The following RBFOX1 variants were observed in gnomAD, a reference collection of about 807,000 sequenced individuals.
RBFOX1 encodes RNA binding fox-1 homolog 1.
In RBFOX1, 8 loss-of-function variants were observed where a neutral mutation model predicts 57.7. The observed-to-expected ratio is 0.14, with a 90% confidence interval of 0.08 to 0.25. The LOEUF (loss-of-function observed/expected upper bound fraction) is 0.25. Ranked by LOEUF, RBFOX1 falls within the 10% of genes least tolerant of loss-of-function variation. The probability of loss-of-function intolerance (pLI) is 1.00; values close to 1 mark genes in which losing one functional copy is unlikely to be tolerated. For missense variants in RBFOX1, 611 were observed against 548.5 expected (o/e 1.11, Z -1.14); for synonymous variants, 326 against 222.4 (o/e 1.47, Z -4.15).
intron 2 of RBFOX1, among the ~76,000 whole-genome samples, chr16:6,420,350 T>TA (rs2093738602): frequency 6.6e-6 from 1 of 152,008 alleles, no homozygotes; most frequent in South Asian, 2.1e-4. Context: ...GAGATTTTTT[T>TA]TCCCTACCTC....
intron 2 of RBFOX1, among the ~76,000 whole-genome samples, chr16:5,493,343 A>G (rs915307295): frequency 3.9e-5 from 6 of 152,136 alleles, no homozygotes; most frequent in African/African-American, 1.2e-4. Flanking sequence ...AAGTCCTATG[A>G]CCCACCATGC....
intron 3 of RBFOX1, among the ~76,000 whole-genome samples, chr16:6,900,569 G>C (rs1043090053): frequency 1.3e-5 from 2 of 152,116 alleles, no homozygotes; most frequent in Admixed American, 1.3e-4. Context: ...TTATTTCAGA[G>C]CCTTTTTAGT....
At chr16:5,730,624 C>T (rs2052331269) in intron 3 of RBFOX1, among the ~76,000 whole-genome samples, 1 of 151,748 alleles carries the variant, frequency 6.6e-6, no homozygotes, top group African/African-American at 2.4e-5. Context: ...TCACCACTGT[C>T]ACCATCATCA....
intron 4 of RBFOX1, among the ~76,000 whole-genome samples, chr16:7,511,957 G>T (rs1416384545): frequency 6.6e-6 from 1 of 152,154 alleles, no homozygotes; most frequent in African/African-American, 2.4e-5. Context: ...GAAATTAAAC[G>T]TTAAGTTTGC....
rs562165217 is a variant in RBFOX1 at position 5,866,090 on chromosome 16, C to T, written c.319-1213C>T. 1.2e-3 allele frequency among the ~76,000 whole-genome samples: 190 copies of T among 152,304 alleles called. 2 individuals carry two copies. The highest frequency in any genetic ancestry group is 4.5e-3 in the African/African-American group (186 of 41,570). Reference sequence around the variant, plus strand: ...TCAAGGGATTCTCCTGCCTCAGCCTCCCGAGTAGCTGCGATTACAGGTGCA... The same window carrying T: ...TCAAGGGATTCTCCTGCCTCAGCCTTCCGAGTAGCTGCGATTACAGGTGCA... On this transcript the variant is annotated intron_variant, in intron 3 of 19. Coordinates refer to the RBFOX1 transcript ENST00000641259.
intron 2 of RBFOX1, among the ~76,000 whole-genome samples, chr16:6,444,730 G>A (rs980788449): frequency 6.6e-6 from 1 of 152,110 alleles, no homozygotes; most frequent in Non-Finnish European, 1.5e-5. Context: ...AGGCCAAAAT[G>A]CAGAGTCTGT....
At chr16:6,801,243 C>T (rs1603626480) in intron 3 of RBFOX1, among the ~76,000 whole-genome samples, 1 of 150,342 alleles carries the variant, frequency 6.7e-6, no homozygotes, top group Non-Finnish European at 1.5e-5. Context: ...ATGTATTTTG[C>T]CATGCAATTA....
chr16:6,323,859 A>G (rs1319808035), intron 2 of RBFOX1, among the ~76,000 whole-genome samples: 1 of 151,924 alleles, frequency 6.6e-6, no homozygotes, highest in Non-Finnish European at 1.5e-5. Context: ...TGCAACCTAC[A>G]TCTCCAAGAT....
chr16:5,695,337 A>G (rs1016884276), intron 3 of RBFOX1, among the ~76,000 whole-genome samples: 28 of 152,188 alleles, frequency 1.8e-4, no homozygotes, highest in Non-Finnish European at 3.5e-4. Context: ...AATATTTTAT[A>G]AGGAAAAGTT....
At chr16:5,952,253 C>CGATT (rs2059536595) in intron 4 of RBFOX1, among the ~76,000 whole-genome samples, 2 of 151,862 alleles carry the variant, frequency 1.3e-5, no homozygotes, top group East Asian at 3.9e-4. Context: ...CGGGTTCAAG[C>CGATT]GATTCTCCTG....
At chr16:5,272,847 T>C (rs1468562398) in intron 1 of RBFOX1, among the ~76,000 whole-genome samples, 2 of 152,180 alleles carry the variant, frequency 1.3e-5, no homozygotes, top group African/African-American at 2.4e-5. Context: ...CTGCAACGAA[T>C]CCCAAAAGTA....
chr16:7,129,713 C>T (rs757138793), intron 4 of RBFOX1, among the ~76,000 whole-genome samples: 6 of 151,988 alleles, frequency 3.9e-5, no homozygotes, highest in East Asian at 3.9e-4. Flanking sequence ...CTGGGAGCCC[C>T]CAAATCGGGT....
Position 6,055,590 on chromosome 16 carries a change from CAAAAAAAAA to C in RBFOX1, c.-127+35614_-127+35622del, listed in dbSNP as rs35872547. Among the ~76,000 whole-genome samples the C allele has an allele frequency of 1.1e-3, 70 of 65,588 alleles. 1 individual carries two copies. Among genetic ancestry groups the C allele is most frequent in the Middle Eastern group, 0.025 (2 of 80 alleles). The allele number at this position is 65,588 out of a possible 152,430, so 43.0% of individuals were successfully genotyped here. A position where few individuals can be genotyped will look rare whatever the true frequency, so the allele number is the denominator to read the frequency against. ...CTTGGGCAACAGAGTGAGACTCCGTCAAAAAAAAAAAAAAAAAAAAAAAAGGACGACGAA... is the reference window on the plus strand; with the variant it reads ...CTTGGGCAACAGAGTGAGACTCCGTCAAAAAAAAAAAAAAAGGACGACGAA... On this transcript the variant is annotated intron_variant, in intron 1 of 15. Transcript: ENST00000550418.
At chr16:5,867,115 C>G (rs1012333995) in intron 3 of RBFOX1, among the ~76,000 whole-genome samples, 9 of 151,524 alleles carry the variant, frequency 5.9e-5, no homozygotes, top group Non-Finnish European at 1.3e-4. Flanking sequence ...GCTGGATAAA[C>G]AAATCATGTT....
rs570190347 is a variant in RBFOX1, at chr16:6,979,468, C to T, written c.-15-72589C>T. 7.2e-5 allele frequency among the ~76,000 whole-genome samples: 11 copies of T among 152,286 alleles called. 1 individual carries two copies. The South Asian group carries it at 1.9e-3, about 26-fold the overall frequency. On this transcript the variant is annotated intron_variant, in intron 3 of 15. Transcript: ENST00000550418. Reference sequence around the variant, plus strand: ...ATTACAGTGATTTACAGCATCTGTTCTTCCCCCAGTACCTTTCTATTGATT... The same window carrying T: ...ATTACAGTGATTTACAGCATCTGTTTTTCCCCCAGTACCTTTCTATTGATT...
chr16:7,388,212 C>A (rs796997786), intron 4 of RBFOX1, among the ~76,000 whole-genome samples: 1 of 152,082 alleles, frequency 6.6e-6, no homozygotes, highest in African/African-American at 2.4e-5. Flanking sequence ...TGGCAGAGTT[C>A]TACAGACACA....
At chr16:6,190,898 T>C (rs1271053908) in intron 1 of RBFOX1, among the ~76,000 whole-genome samples, 1 of 152,188 alleles carries the variant, frequency 6.6e-6, no homozygotes, top group African/African-American at 2.4e-5. Flanking sequence ...TTGTGTGTGG[T>C]GTGACTGTAA....
intron 4 of RBFOX1, among the ~76,000 whole-genome samples, chr16:7,330,589 T>G (rs2096676237): frequency 6.6e-6 from 1 of 151,116 alleles, no homozygotes; most frequent in Non-Finnish European, 1.5e-5. Context: ...TCTCTGCAGT[T>G]TCCAGCTACC....
intron 2 of RBFOX1, among the ~76,000 whole-genome samples, chr16:5,485,643 C>G (rs922701714): frequency 3.3e-5 from 5 of 152,182 alleles, no homozygotes; most frequent in African/African-American, 1.2e-4. Context: ...GAAACTGAGG[C>G]TCAGCAAGGT....
Sources: allele counts gnomAD v4.1 joint callset (sites outside exome capture counted in the v4.1 genomes callset), GRCh38; gene constraint gnomAD v4.1.1; transcripts MANE v1.5; gene names NCBI Gene and HGNC (gene_info 2026-07-23, HGNC 2026-07-21).